The following MACROD2 variants were observed in gnomAD, a reference collection of about 807,000 sequenced individuals.
The protein encoded by MACROD2 is mono-ADP ribosylhydrolase 2.
Under a neutral mutation model 70.4 loss-of-function variants are expected in MACROD2, and 36 were observed. The observed-to-expected ratio is 0.51, with a 90% CI of 0.39 to 0.68. The LOEUF (loss-of-function observed/expected upper bound fraction) is 0.68. MACROD2 is among the 30% of genes least tolerant of loss of function. The pLI, the probability that MACROD2 is intolerant of heterozygous loss-of-function variation, is 0.00. For synonymous variants in MACROD2, 172 were observed against 178.8 expected (o/e 0.96, Z 0.30); for missense variants, 496 against 538.4 (o/e 0.92, Z 0.78).
At chr20:15,602,895 T>A (rs2048841663) in intron 8 of MACROD2, among the ~76,000 whole-genome samples, 1 of 151,176 alleles carries the variant, frequency 6.6e-6, no homozygotes. Flanking sequence ...GTTCTTATAG[T>A]TTTTTTTTAA....
chr20:14,482,773 G>T (rs2084677525), intron 3 of MACROD2, among the ~76,000 whole-genome samples: 1 of 152,172 alleles, frequency 6.6e-6, no homozygotes, highest in South Asian at 2.1e-4. Context: ...GAGAAATACA[G>T]AAACAGGGAT....
chr20:15,133,138 AG>A (rs2076118928), intron 5 of MACROD2, among the ~76,000 whole-genome samples: 1 of 152,090 alleles, frequency 6.6e-6, no homozygotes, highest in Admixed American at 6.5e-5. Context: ...ATCTTGGCAG[AG>A]GGAAGTGCTA....
intron 5 of MACROD2, among the ~76,000 whole-genome samples, chr20:15,033,044 G>C (rs2075287301): frequency 6.6e-6 from 1 of 152,122 alleles, no homozygotes. Flanking sequence ...ACAAAAAGTA[G>C]ATTACGGGTT....
intron 8 of MACROD2, among the ~76,000 whole-genome samples, chr20:15,767,047 A>G (rs555725539): frequency 4.9e-4 from 74 of 152,360 alleles, no homozygotes; most frequent in African/African-American, 1.8e-3. Context: ...CTCACTTCTC[A>G]GGGCAGTGCT....
At chr20:14,574,501 C>T (rs1980437728) in intron 4 of MACROD2, among the ~76,000 whole-genome samples, 2 of 152,250 alleles carry the variant, frequency 1.3e-5, no homozygotes, top group South Asian at 2.1e-4. Context: ...TTAAGTCCTG[C>T]AGAGCCCATA....
chr20:15,062,486 A>T (rs966247496), intron 5 of MACROD2, among the ~76,000 whole-genome samples: 3 of 152,028 alleles, frequency 2.0e-5, no homozygotes, highest in Non-Finnish European at 4.4e-5. Flanking sequence ...GACTAGAAGG[A>T]AGGTTCTGTA....
intron 8 of MACROD2, among the ~76,000 whole-genome samples, chr20:15,738,387 T>C (rs2051056544): frequency 6.6e-6 from 1 of 152,114 alleles, no homozygotes; most frequent in African/African-American, 2.4e-5. Flanking sequence ...AAAGAGTCAA[T>C]TGAGGCAGTG....
intron 3 of MACROD2, among the ~76,000 whole-genome samples, chr20:14,409,621 A>C (rs17226971): frequency 0.15 from 23,183 of 152,018 alleles, 2,474 homozygotes; most frequent in Non-Finnish European, 0.23. Context: ...AGAAAATAGC[A>C]TGACACTTTG....
At chr20:15,905,803 C>A (rs1168961483) in intron 10 of MACROD2, among the ~76,000 whole-genome samples, 2 of 152,162 alleles carry the variant, frequency 1.3e-5, no homozygotes, top group East Asian at 3.9e-4. Context: ...CTAGAATTTC[C>A]TGGATTCACG....
In MACROD2 at chr20:16,026,171, A is replaced by T. The variant is rs975635767; in HGVS notation, c.1154-15030A>T. ...TCCATCTCAAAAAAACAAAACAACA[A>T]ACAAACAAACAAACAAACAAAAACA... On this transcript the variant is annotated intron_variant, in intron 15 of 17. Transcript: ENST00000684519. 1.1e-4 allele frequency among the ~76,000 whole-genome samples: 13 copies of T among 120,698 alleles called. No homozygotes were observed. In the East Asian group the frequency reaches 2.6e-3, roughly 24 times the overall value. The allele number at this position is 120,698 out of a possible 152,430, so 79.2% of individuals were successfully genotyped here.
chr20:15,200,136 A>C (rs897061710), intron 5 of MACROD2, among the ~76,000 whole-genome samples: 1 of 152,010 alleles, frequency 6.6e-6, no homozygotes, highest in African/African-American at 2.4e-5. Context: ...AGTTTCAGCT[A>C]AGGCCTTGTT....
At chr20:14,917,939 G>A (rs138131841) in intron 5 of MACROD2, among the ~76,000 whole-genome samples, 2 of 152,142 alleles carry the variant, frequency 1.3e-5, no homozygotes, top group Non-Finnish European at 2.9e-5. Context: ...AGAGGTTTGT[G>A]GTCACAAGGG....
At chr20:15,956,840 G>A (rs1269295091) in intron 12 of MACROD2, among the ~76,000 whole-genome samples, 1 of 152,044 alleles carries the variant, frequency 6.6e-6, no homozygotes, top group Non-Finnish European at 1.5e-5. Flanking sequence ...ATAATAAGTT[G>A]GAGACAGAGT....
intron 5 of MACROD2, among the ~76,000 whole-genome samples, chr20:14,819,619 T>G (rs2072816779): frequency 6.6e-6 from 1 of 151,836 alleles, no homozygotes; most frequent in Non-Finnish European, 1.5e-5. Flanking sequence ...GATGGGAAAT[T>G]CAGTTGATAA....
At chr20:14,389,712 G>A (rs2083507346) in intron 3 of MACROD2, among the ~76,000 whole-genome samples, 1 of 152,128 alleles carries the variant, frequency 6.6e-6, no homozygotes, top group Non-Finnish European at 1.5e-5. Flanking sequence ...ATGGCACCAT[G>A]TACAATCTAT....
At chr20:15,130,897 GC>G (rs2076099987) in intron 5 of MACROD2, among the ~76,000 whole-genome samples, 1 of 152,074 alleles carries the variant, frequency 6.6e-6, no homozygotes, top group Admixed American at 6.6e-5. Context: ...ACTCTCTGAA[GC>G]CATAGGCACT....
chr20:15,839,243 T>C (rs139543557), intron 8 of MACROD2, among the ~76,000 whole-genome samples: 90 of 152,244 alleles, frequency 5.9e-4, no homozygotes, highest in African/African-American at 2.1e-3. Flanking sequence ...GAGCAAGGAC[T>C]ATGGACAAGA....
intron 4 of MACROD2, among the ~76,000 whole-genome samples, chr20:14,536,550 A>G (rs1403559557): frequency 6.6e-6 from 1 of 152,178 alleles, no homozygotes; most frequent in Non-Finnish European, 1.5e-5. Context: ...CTTTAGGAGC[A>G]AAATGATAAT....
At chr20:14,537,025 G>T (rs2085374717) in intron 4 of MACROD2, among the ~76,000 whole-genome samples, 2 of 152,100 alleles carry the variant, frequency 1.3e-5, no homozygotes, top group Admixed American at 6.6e-5. Flanking sequence ...TGGCTTCCTG[G>T]CCATGATATT....
Sources: gnomAD v4.1 joint callset for allele counts (sites outside exome capture counted in the v4.1 genomes callset) on GRCh38, gnomAD v4.1.1 for gene constraint, MANE v1.5 for transcripts, NCBI Gene and HGNC (gene_info 2026-07-23, HGNC 2026-07-21) for gene names.